WDR27: variants seen among roughly 807,000 people sequenced by gnomAD.
WDR27 encodes the protein WD repeat domain 27, also known as WD repeat-containing protein 27.
A neutral mutation model predicts 114.4 loss-of-function variants in WDR27; 100 were observed. The ratio of observed to expected loss-of-function variants is 0.87; its 90% CI spans 0.74 to 1.03. The LOEUF (loss-of-function observed/expected upper bound fraction) is 1.03, where lower values mean the gene tolerates loss of function less well. WDR27 is among the 50% of genes least tolerant of loss of function. WDR27 has a pLI of 0.00. For synonymous variants in WDR27, 449 were observed against 423.1 expected (o/e 1.06, Z -0.75); for missense variants, 1,129 against 1,092.9 (o/e 1.03, Z -0.47).
intron 14 of WDR27, among the ~76,000 whole-genome samples, chr6:169,650,146 C>A (rs1821938778): frequency 7.0e-6 from 1 of 142,600 alleles, no homozygotes; most frequent in African/African-American, 2.6e-5. Context: ...TCAACTCCGC[C>A]CCTCTCCATC....
intron 22 of WDR27, among the ~76,000 whole-genome samples, chr6:169,602,989 T>C (rs1370358566): frequency 6.6e-6 from 1 of 151,730 alleles, no homozygotes; most frequent in Non-Finnish European, 1.5e-5. Flanking sequence ...TTACAGGCAT[T>C]CACCACCACA....
chr6:169,542,126 T>C (rs1041635928), intron 25 of WDR27, among the ~76,000 whole-genome samples: 3 of 152,136 alleles, frequency 2.0e-5, no homozygotes, highest in Non-Finnish European at 2.9e-5. Flanking sequence ...GAGGTAAAAA[T>C]GTATATGCAA....
At chr6:169,479,522 G>A (rs1787654329) in intron 25 of WDR27, among the ~76,000 whole-genome samples, 1 of 152,118 alleles carries the variant, frequency 6.6e-6, no homozygotes, top group Non-Finnish European at 1.5e-5. Flanking sequence ...AGATTCTAAT[G>A]ATTTAGGCAT....
intron 21 of WDR27, among the ~76,000 whole-genome samples, chr6:169,616,743 A>T (rs1811909101): frequency 6.6e-6 from 1 of 152,200 alleles, no homozygotes; most frequent in Non-Finnish European, 1.5e-5. Context: ...TCAATAGATA[A>T]AAAATCTCAA....
rs1319068351 is a variant in WDR27 at position 169,689,103 on chromosome 6, CCA to C, written c.-7-93_-7-92del. The C allele has an allele frequency of 1.1e-4, 94 of 820,528 alleles. 1 individual carries two copies. The highest frequency in any genetic ancestry group is 1.2e-4 in the Admixed American group (4 of 32,680). The allele number at this position is 820,528 out of a possible 1,614,324, so 50.8% of individuals were successfully genotyped here. On this transcript the variant is annotated intron_variant, in intron 1 of 25. Transcript: ENST00000448612. ...TACCTACTGATAGTTACTAGTTTGA[CCA>C]CACACATATACCACATCATACCTAT...
In WDR27 at chr6:169,586,906, A is replaced by G. The variant is rs76204929; in HGVS notation, c.2425-3972T>C. 5.7e-3 allele frequency among the ~76,000 whole-genome samples: 843 copies of G among 147,360 alleles called. 13 individuals are homozygous for G. The highest frequency in any genetic ancestry group is 0.02 in the African/African-American group (811 of 40,720). On this transcript the variant is annotated intron_variant, in intron 23 of 25. Coordinates refer to ENST00000448612, the MANE Select transcript of WDR27 (RefSeq NM_182552.5). ...CGCTTCCTGACTTCAGGGACAAAGT[A>G]TCAATGGAACCAATCCAGGAAAACG...
chr6:169,581,326 C>T (rs551035964), intron 24 of WDR27, among the ~76,000 whole-genome samples: 70 of 152,188 alleles, frequency 4.6e-4, no homozygotes, highest in African/African-American at 1.3e-3. Flanking sequence ...CTCTCCCCAC[C>T]GCCCACCCTG....
intron 8 of WDR27, chr6:169,663,488 T>G (rs1336221865): frequency 6.6e-6 from 1 of 152,256 alleles, no homozygotes; most frequent in Non-Finnish European, 1.5e-5. Context: ...GCCCCTGGAT[T>G]GAAAAGTAAA....
the WDR27 span, among the ~76,000 whole-genome samples, chr6:169,427,524 GGA>G: frequency 1.8e-3 from 267 of 152,320 alleles, no homozygotes; most frequent in African/African-American, 5.9e-3. Flanking sequence ...CTCAGATCCA[GGA>G]GAGAGGGCTG....
intron 25 of WDR27, among the ~76,000 whole-genome samples, chr6:169,555,499 A>G (rs1798746771): frequency 6.6e-6 from 1 of 152,206 alleles, no homozygotes; most frequent in Non-Finnish European, 1.5e-5. Context: ...GGATGAAAAA[A>G]CAATCATCAT....
intron 25 of WDR27, among the ~76,000 whole-genome samples, chr6:169,493,496 A>C (rs1007351916): frequency 4.0e-5 from 6 of 151,778 alleles, no homozygotes; most frequent in African/African-American, 1.5e-4. Flanking sequence ...AAGATGTTCA[A>C]ATTTTTTTTT....
chr6:169,655,608 A>G (rs1166523530), intron 13 of WDR27, among the ~76,000 whole-genome samples: 1 of 152,260 alleles, frequency 6.6e-6, no homozygotes, highest in African/African-American at 2.4e-5. Context: ...GACATATGAG[A>G]AGATTCATTG....
At chr6:169,634,333 A>C in intron 20 of WDR27, 95 bp downstream of exon 20, 6 of 851,126 alleles carry the variant, frequency 7.0e-6, no homozygotes, top group Non-Finnish European at 1.1e-5. Context: ...AGCCCCACAC[A>C]ATGCCTGACA....
chr6:169,649,352 GA>G, intron 14 of WDR27, 77 bp from the exon 15 acceptor site: 5 of 1,272,454 alleles, frequency 3.9e-6, no homozygotes, highest in Non-Finnish European at 4.5e-6. Flanking sequence ...ATTTTACAGT[GA>G]AAAAAATTAT....
rs113851136 is a variant in WDR27 at position 169,556,003 on chromosome 6, C to T, written c.2645+16416G>A. Among the ~76,000 whole-genome samples, 887 of 152,310 alleles carry T rather than the reference C, an allele frequency of 5.8e-3. 20 individuals are homozygous for T. Among genetic ancestry groups the T allele is most frequent in the African/African-American group, 0.02 (851 of 41,564 alleles). The stretch of plus-strand genomic sequence containing the variant: ...TGGAGGTAGAGGAGGGACCCATGCC[C>T]TCATGTGACCCCTGTCTGTGAGCAT... On this transcript the variant is annotated intron_variant, in intron 25 of 25. Transcript: ENST00000448612.
intron 5 of WDR27, 43 bp from the exon 6 acceptor site, chr6:169,667,230 G>A (rs1192978667): frequency 2.1e-6 from 3 of 1,446,744 alleles, no homozygotes; most frequent in African/African-American, 1.5e-5. Flanking sequence ...TAACAACGTT[G>A]CCATTATTGC....
intron 22 of WDR27, among the ~76,000 whole-genome samples, chr6:169,611,025 G>T (rs1246396235): frequency 6.6e-6 from 1 of 152,058 alleles, no homozygotes; most frequent in Admixed American, 6.6e-5. Flanking sequence ...AAAGCCACTT[G>T]TACCCCAAAA....
chr6:169,572,543 C>CAAAAAAAAAAAAAAA lies in WDR27; in HGVS notation c.2524-18_2524-4dup, dbSNP rs376783967. The CAAAAAAAAAAAAAAA allele has an allele frequency of 1.1e-5, 1 of 92,424 alleles. No homozygotes were observed. The highest frequency in any genetic ancestry group is 5.8e-5 in the African/African-American group (1 of 17,314). 5.7% of individuals were successfully genotyped at this position (92,424 alleles called of 1,614,324 possible). A position where few individuals can be genotyped will look rare whatever the true frequency, so the allele number is the denominator to read the frequency against. On this transcript the variant is annotated splice_polypyrimidine_tract_variant and splice_region_variant and intron_variant, in intron 24 of 25. Coordinates refer to ENST00000448612, the MANE Select transcript of WDR27 (RefSeq NM_182552.5). ...TGGGCGACAGAGCGAGACTCCATCT[C>CAAAAAAAAAAAAAAA]AAAAAAAAAAAAAAAAAAAAAAAAA...
At chr6:169,653,065 G>A (rs746433818) in intron 13 of WDR27, among the ~76,000 whole-genome samples, 42 of 152,194 alleles carry the variant, frequency 2.8e-4, no homozygotes, top group Admixed American at 1.1e-3. Flanking sequence ...ATGCGCAGCC[G>A]TCCATGGCGG....
Sources: gnomAD v4.1 joint callset for allele counts (sites outside exome capture counted in the v4.1 genomes callset) on GRCh38, gnomAD v4.1.1 for gene constraint, MANE v1.5 for transcripts, NCBI Gene and HGNC (gene_info 2026-07-23, HGNC 2026-07-21) for gene names.